Variants in CCDC7 observed in about 807,000 individuals in gnomAD.
CCDC7 encodes the protein coiled-coil domain containing 7.
A neutral mutation model predicts 196.9 loss-of-function variants in CCDC7; 183 were observed. The observed-to-expected ratio is 0.93, with a 90% confidence interval of 0.82 to 1.05. The LOEUF (loss-of-function observed/expected upper bound fraction) is 1.05, where lower values mean the gene tolerates loss of function less well. CCDC7 is among the 50% of genes least tolerant of loss of function. The pLI is 0.00. For synonymous variants in CCDC7, 525 were observed against 484.6 expected, an observed-to-expected ratio of 1.08 and a Z score of -1.10; for missense variants, 1,540 against 1,482.2, an observed-to-expected ratio of 1.04 and a Z score of -0.64.
chr10:32,785,593 G>A (rs570355222), intron 29 of CCDC7, among the ~76,000 whole-genome samples: 1 of 152,068 alleles, frequency 6.6e-6, no homozygotes, highest in Admixed American at 6.5e-5. Flanking sequence ...GTAGAAAAAA[G>A]ATTAAAATAA....
chr10:32,635,984 C>T (rs1452237817), intron 20 of CCDC7, among the ~76,000 whole-genome samples: 1 of 152,060 alleles, frequency 6.6e-6, no homozygotes, highest in Non-Finnish European at 1.5e-5. Flanking sequence ...AATATCATTA[C>T]ATATTTTTTC....
At chr10:32,471,147 G>A (rs764974311) in exon 6 of CCDC7, 6 of 1,612,788 alleles carry the variant, frequency 3.7e-6, no homozygotes, top group Middle Eastern at 1.7e-4. Flanking sequence ...AAATAGTAAG[G>A]CTTGTACAAA....
intron 20 of CCDC7, among the ~76,000 whole-genome samples, chr10:32,652,683 TA>T (rs889627970): frequency 1.8e-4 from 27 of 152,002 alleles, no homozygotes; most frequent in Non-Finnish European, 4.0e-4. Context: ...GAAACAAAAC[TA>T]AAAAAAACTT....
chr10:32,802,683 C>G lies in CCDC7; in HGVS notation c.3014-2332C>G, dbSNP rs1348851383. 2.6e-5 allele frequency among the ~76,000 whole-genome samples: 4 copies of G among 152,168 alleles called. No homozygotes were observed. The East Asian group carries it at 7.7e-4, about 29-fold the overall frequency. On this transcript the variant is annotated intron_variant, in intron 29 of 41. Coordinates refer to ENST00000639629, the Ensembl canonical transcript of CCDC7. ...GGAGCAAGGAATCCAGTCCTATTTCCAAAACCTCAAAAGTAGGGAAGCTGA... is the reference window on the plus strand; with the variant it reads ...GGAGCAAGGAATCCAGTCCTATTTCGAAAACCTCAAAAGTAGGGAAGCTGA...
At chr10:32,549,308 T>C (rs1223657836) in intron 13 of CCDC7, among the ~76,000 whole-genome samples, 2 of 152,162 alleles carry the variant, frequency 1.3e-5, no homozygotes, top group African/African-American at 4.8e-5. Context: ...AGATATTAGG[T>C]GTTAGTCCTT....
At chr10:32,505,635 C>T (rs2044814870) in intron 9 of CCDC7, among the ~76,000 whole-genome samples, 1 of 151,852 alleles carries the variant, frequency 6.6e-6, no homozygotes, top group South Asian at 2.1e-4. Context: ...CACATTTCCC[C>T]CTTTTCTTTT....
chr10:32,685,879 T>C (rs1386614374), intron 21 of CCDC7, 91 bp from the exon 23 acceptor site: 8 of 694,330 alleles, frequency 1.2e-5, no homozygotes, highest in Non-Finnish European at 1.5e-5. Flanking sequence ...CTGAGAATGC[T>C]CATGTAAATG....
At chr10:32,668,485 A>C (rs368803251) in intron 21 of CCDC7, among the ~76,000 whole-genome samples, 1 of 152,076 alleles carries the variant, frequency 6.6e-6, no homozygotes, top group African/African-American at 2.4e-5. Flanking sequence ...TTGCCCATTC[A>C]GTATGATATT....
chr10:32,620,072 A>G (rs1213230663), intron 18 of CCDC7, among the ~76,000 whole-genome samples: 1 of 151,638 alleles, frequency 6.6e-6, no homozygotes, highest in African/African-American at 2.4e-5. Context: ...ACAGACATGC[A>G]CCACCACACT....
chr10:32,519,358 G>A (rs1035169736), intron 11 of CCDC7, among the ~76,000 whole-genome samples: 32 of 152,124 alleles, frequency 2.1e-4, no homozygotes, highest in African/African-American at 7.2e-4. Flanking sequence ...TTGAAAAAAC[G>A]CTGGAGCTTC....
chr10:32,871,521 G>A (rs555831409), intron 41 of CCDC7, among the ~76,000 whole-genome samples: 108 of 147,476 alleles, frequency 7.3e-4, no homozygotes, highest in African/African-American at 2.8e-3. Context: ...CTAGCGGTCT[G>A]TCAATTTTGT....
At chr10:32,685,182 G>T (rs528374190) in intron 21 of CCDC7, among the ~76,000 whole-genome samples, 1 of 141,862 alleles carries the variant, frequency 7.0e-6, no homozygotes, top group Admixed American at 7.3e-5. Flanking sequence ...CTTACCTAAC[G>T]GTGGCATACA....
rs543164702 is a variant in CCDC7, at chr10:32,838,014, T to G, written c.3352+3116T>G. 1.4e-3 allele frequency among the ~76,000 whole-genome samples: 217 copies of G among 152,192 alleles called. 1 individual carries two copies. The highest frequency in any genetic ancestry group is 5.0e-3 in the African/African-American group (206 of 41,540). On this transcript the variant is annotated intron_variant, in intron 33 of 41. Coordinates refer to ENST00000639629, the Ensembl canonical transcript of CCDC7. ...GGGTGCAGCACACCAACATGGCGCA[T>G]GTATACATATGTAACAAACTTGCAC...
intron 3 of CCDC7, among the ~76,000 whole-genome samples, chr10:32,461,856 C>T (rs777977337): frequency 2.7e-5 from 4 of 150,748 alleles, no homozygotes; most frequent in Non-Finnish European, 5.9e-5. Context: ...ACCGCAACCT[C>T]CGCCTCCCGG....
chr10:32,467,901 G>A (rs767741664), intron 5 of CCDC7, among the ~76,000 whole-genome samples: 1 of 152,154 alleles, frequency 6.6e-6, no homozygotes, highest in Non-Finnish European at 1.5e-5. Flanking sequence ...TTGTAGGTGT[G>A]CAGCCTTATT....
intron 16 of CCDC7, among the ~76,000 whole-genome samples, chr10:32,581,831 T>A (rs532160840): frequency 6.6e-6 from 1 of 151,970 alleles, no homozygotes; most frequent in South Asian, 2.1e-4. Flanking sequence ...TGCTTTCTAT[T>A]TTTAGCTATG....
intron 8 of CCDC7, among the ~76,000 whole-genome samples, chr10:32,477,898 T>A (rs1199942865): frequency 6.6e-6 from 1 of 152,220 alleles, no homozygotes; most frequent in Non-Finnish European, 1.5e-5. Flanking sequence ...TTGATTGAGA[T>A]TGCATTGAAT....
intron 18 of CCDC7, among the ~76,000 whole-genome samples, chr10:32,616,295 G>T (rs546952831): frequency 1.2e-3 from 187 of 151,940 alleles, no homozygotes; most frequent in Non-Finnish European, 2.2e-3. Context: ...CATGAGCATG[G>T]GATGTTTTTC....
chr10:32,838,413 T>G (rs2092766583), intron 33 of CCDC7, among the ~76,000 whole-genome samples: 1 of 152,070 alleles, frequency 6.6e-6, no homozygotes, highest in Non-Finnish European at 1.5e-5. Context: ...ACAAGGGTTT[T>G]GAATTAATCC....
Sources: gnomAD v4.1 joint callset for allele counts (sites outside exome capture counted in the v4.1 genomes callset) on GRCh38, gnomAD v4.1.1 for gene constraint, MANE v1.5 for transcripts, NCBI Gene and HGNC (gene_info 2026-07-23, HGNC 2026-07-21) for gene names.